RBL2: variants seen among roughly 807,000 people sequenced by gnomAD.
The protein encoded by RBL2 is retinoblastoma-like protein 2.
A neutral mutation model predicts 126.0 loss-of-function variants in RBL2; 56 were observed. The ratio of observed to expected loss-of-function variants is 0.44; its 90% confidence interval spans 0.36 to 0.56. The LOEUF is 0.56. RBL2 is among the 20% of genes least tolerant of loss of function. The pLI, the probability that RBL2 is intolerant of heterozygous loss-of-function variation, is 0.00. For missense variants in RBL2, 1,229 were observed against 1,398.2 expected (o/e 0.88, Z 1.93); for synonymous variants, 454 against 478.5 (o/e 0.95, Z 0.67).
chr16:53,475,775 C>G (rs972355306), intron 17 of RBL2, among the ~76,000 whole-genome samples: 1 of 150,956 alleles, frequency 6.6e-6, no homozygotes, highest in African/African-American at 2.4e-5. Flanking sequence ...TCTTTTTTCC[C>G]CAAATCCTTT....
chr16:53,456,895 G>A (rs2058172577), intron 8 of RBL2, among the ~76,000 whole-genome samples: 3 of 151,988 alleles, frequency 2.0e-5, no homozygotes, highest in South Asian at 2.1e-4. Flanking sequence ...GTTTCTCTTC[G>A]TATTTATCAC....
At chr16:53,481,137 T>A in intron 20 of RBL2, 1 of 183,242 alleles carries the variant, frequency 5.5e-6, no homozygotes, top group Non-Finnish European at 1.1e-5. Context: ...CCAGCTTGGG[T>A]GACAGAACAA....
Position 53,490,256 on chromosome 16 carries a change from T to C in RBL2, c.3376T>C (p.Leu1126=). 6.2e-7 allele frequency: 1 copy of C among 1,612,954 alleles called. No individual in the cohort carries two copies. ...RICPENHSAL[L]RRLQDVANDR... is the part of the protein sequence containing the mutation. ...TTGCCCAGAAAATCATTCTGCCTTA[T>C]TACGCCGTCTCCAAGATGTAGCTAA... Residue 1126 remains leucine (L), a synonymous_variant, in exon 22 of 22, where the codon TTA becomes CTA. Transcript: ENST00000262133.
intron 4 of RBL2, among the ~76,000 whole-genome samples, chr16:53,451,148 CACTT>C (rs200719401): frequency 0.016 from 2,440 of 152,260 alleles, 72 homozygotes; most frequent in African/African-American, 0.056. Context: ...ATTTAATAAA[CACTT>C]AATGAATGAA....
intron 17 of RBL2, among the ~76,000 whole-genome samples, chr16:53,471,595 A>T (rs1960527762): frequency 6.6e-6 from 1 of 151,930 alleles, no homozygotes. Flanking sequence ...TAGCCTCCCG[A>T]GTAGCTGGGA....
chr16:53,486,772 TG>T (rs1961192574), intron 21 of RBL2, among the ~76,000 whole-genome samples: 2 of 152,248 alleles, frequency 1.3e-5, no homozygotes, highest in South Asian at 2.1e-4. Flanking sequence ...AGTCCTAGCA[TG>T]TGCAATAAGA....
chr16:53,482,378 G>A (rs1960988672), intron 21 of RBL2, among the ~76,000 whole-genome samples: 1 of 152,364 alleles, frequency 6.6e-6, no homozygotes, highest in East Asian at 1.9e-4. Flanking sequence ...AGGGCACTCA[G>A]CAGGAAGCAG....
At chr16:53,464,541 A>G (rs2058253343) in intron 12 of RBL2, 178 bp downstream of exon 12, 4 of 512,362 alleles carry the variant, frequency 7.8e-6, no homozygotes, top group South Asian at 4.3e-5. Flanking sequence ...AATTCTTTTA[A>G]TATTGTATGA....
chr16:53,481,631 AT>A, intron 20 of RBL2, 39 bp from the exon 21 acceptor site: 2 of 1,445,804 alleles, frequency 1.4e-6, no homozygotes, highest in Non-Finnish European at 1.9e-6. Flanking sequence ...ATAATTATAA[AT>A]TTTTTTCTTA....
At chr16:53,466,829 C>T (rs1598114006) in intron 13 of RBL2, 1 of 419,700 alleles carries the variant, frequency 2.4e-6, no homozygotes, top group East Asian at 5.2e-5. Context: ...TTCAAACTCT[C>T]CAAACCAGTA....
chr16:53,464,500 A>G (rs937028156), intron 12 of RBL2, 137 bp downstream of exon 12: 1 of 711,680 alleles, frequency 1.4e-6, no homozygotes, highest in African/African-American at 1.9e-5. Context: ...TTTGTGGAGT[A>G]GAAAAGAAAT....
At chr16:53,457,079 G>T (rs528705306) in intron 8 of RBL2, among the ~76,000 whole-genome samples, 1 of 151,984 alleles carries the variant, frequency 6.6e-6, no homozygotes, top group African/African-American at 2.4e-5. Context: ...GAGCAAGTCT[G>T]GGGGAAGGGG....
At chr16:53,470,293 G>A (rs1334860313) in intron 15 of RBL2, 90 bp from the exon 16 acceptor site, 1 of 1,560,340 alleles carries the variant, frequency 6.4e-7, no homozygotes, top group Non-Finnish European at 8.7e-7. Flanking sequence ...GATGGGGAGA[G>A]AGGGTTTGGG....
chr16:53,464,347 T>C lies in RBL2; in HGVS notation c.1682T>C (p.Leu561Pro). Residue 561 changes from leucine to proline, a missense_variant, in exon 12 of 22, where the codon CTT becomes CCT. This residue lies in a region of RBL2 where 1,070 missense variants were observed against 1,274.3 expected (regional missense o/e 0.84). Transcript: ENST00000262133. ...ATTACTGAAATATTTGATGTGCCTC[T>C]TTATCATTTTTATAAGGTATTTTTA... ...PFITEIFDVP[L>P]YHFYKVIEVF... 1.3e-6 allele frequency: 2 copies of C among 1,569,962 alleles called. No individual in the cohort carries two copies. The highest frequency in any genetic ancestry group is 1.7e-6 in the Non-Finnish European group (2 of 1,144,402).
intron 8 of RBL2, 100 bp downstream of exon 8, chr16:53,454,942 A>G: frequency 2.0e-6 from 2 of 979,450 alleles, no homozygotes; most frequent in East Asian, 2.8e-5. Context: ...ACTTGCCTAC[A>G]GTATGAAGGA....
intron 8 of RBL2, 85 bp downstream of exon 8, chr16:53,454,927 G>T: frequency 8.3e-7 from 1 of 1,204,388 alleles, no homozygotes; most frequent in South Asian, 1.9e-5. Flanking sequence ...TCATGTTTGT[G>T]TTTTACTTGC....
intron 20 of RBL2, 98 bp downstream of exon 20, chr16:53,480,867 AAC>A: frequency 7.8e-7 from 1 of 1,281,400 alleles, no homozygotes; most frequent in Non-Finnish European, 1.1e-6. Context: ...TCCGTATATA[AAC>A]TAGTTTTGGC....
intron 20 of RBL2, chr16:53,481,431 G>A: frequency 2.5e-6 from 1 of 405,964 alleles, no homozygotes; most frequent in Non-Finnish European, 4.3e-6. Context: ...TAGCATATGG[G>A]GTTGTTGTAA....
chr16:53,479,700 T>C (rs903732829), intron 18 of RBL2, 186 bp from the exon 19 acceptor site: 3 of 539,470 alleles, frequency 5.6e-6, no homozygotes, highest in South Asian at 4.9e-5. Context: ...TGGCATGTGA[T>C]GCTAGATGGG....
Sources: gnomAD v4.1 joint callset for allele counts (sites outside exome capture counted in the v4.1 genomes callset) on GRCh38, gnomAD v4.1.1 for gene constraint, gnomAD v4.1.1 regional missense constraint, MANE v1.5 for transcripts, NCBI Gene and HGNC (gene_info 2026-07-23, HGNC 2026-07-21) for gene names.